LRRFIP2: variants seen among roughly 807,000 people sequenced by gnomAD.
LRRFIP2 encodes leucine-rich repeat flightless-interacting protein 2.
LRRFIP2 carries 109 observed loss-of-function variants against 125.9 expected under a neutral mutation model. The observed-to-expected ratio is 0.87, with a 90% CI of 0.74 to 1.01. LRRFIP2 has a LOEUF of 1.01. Ranked by LOEUF, LRRFIP2 falls within the 50% of genes least tolerant of loss-of-function variation. The probability of loss-of-function intolerance (pLI) is 0.00; values close to 1 mark genes in which losing one functional copy is unlikely to be tolerated. For synonymous variants in LRRFIP2, 291 were observed against 293.1 expected (o/e 0.99, Z 0.07); for missense variants, 850 against 862.3 (o/e 0.99, Z 0.18).
intron 12 of LRRFIP2, 45 bp downstream of exon 12, chr3:37,108,592 C>T: frequency 6.7e-7 from 1 of 1,491,030 alleles, no homozygotes; most frequent in South Asian, 1.2e-5. Context: ...ACTGTGCCCA[C>T]CCACATTTCC....
chr3:37,122,537 A>G (rs763620163), intron 4 of LRRFIP2, among the ~76,000 whole-genome samples: 23 of 152,350 alleles, frequency 1.5e-4, no homozygotes, highest in Middle Eastern at 3.4e-3. Context: ...AAGTGTTAAC[A>G]TTATCACTGA....
chr3:37,078,040 T>G (rs1030484875), intron 19 of LRRFIP2, among the ~76,000 whole-genome samples: 12 of 151,948 alleles, frequency 7.9e-5, no homozygotes, highest in Non-Finnish European at 1.6e-4. Flanking sequence ...GGGTACAGAG[T>G]TCTAGTTTTG....
At chr3:37,127,703 A>G in intron 3 of LRRFIP2, 23 bp from the exon 4 acceptor site, 2 of 1,596,758 alleles carry the variant, frequency 1.3e-6, no homozygotes, top group Admixed American at 1.7e-5. Flanking sequence ...AAATTTCATA[A>G]ACCAAATAGT....
At chr3:37,123,040 A>AAAGGC (rs1436450607) in intron 4 of LRRFIP2, among the ~76,000 whole-genome samples, 1 of 152,094 alleles carries the variant, frequency 6.6e-6, no homozygotes, top group East Asian at 1.9e-4. Context: ...ATGCCTCAAA[A>AAAGGC]CTCCCTGGTT....
upstream of LRRFIP2, chr3:37,175,289 T>C: frequency 6.6e-6 from 1 of 152,328 alleles, no homozygotes. Flanking sequence ...TCTACAATTT[T>C]TCTGTTTATA....
intron 2 of LRRFIP2, among the ~76,000 whole-genome samples, chr3:37,144,116 C>T (rs1328376352): frequency 6.6e-6 from 1 of 152,222 alleles, no homozygotes; most frequent in Non-Finnish European, 1.5e-5. Flanking sequence ...CCATGCCTGG[C>T]CTGGGCAGTG....
intron 15 of LRRFIP2, among the ~76,000 whole-genome samples, chr3:37,098,711 AC>A (rs1475789698): frequency 3.9e-5 from 6 of 152,048 alleles, no homozygotes; most frequent in Non-Finnish European, 8.8e-5. Flanking sequence ...GTTTTTAAAT[AC>A]TATATTGCCA....
chr3:37,087,755 G>A (rs1289913404), intron 18 of LRRFIP2, among the ~76,000 whole-genome samples: 1 of 151,946 alleles, frequency 6.6e-6, no homozygotes, highest in Admixed American at 6.6e-5. Context: ...TGCCTGGCTA[G>A]TTTTTGTATT....
chr3:37,161,952 G>C (rs181590982), intron 1 of LRRFIP2, among the ~76,000 whole-genome samples: 1 of 151,968 alleles, frequency 6.6e-6, no homozygotes, highest in Admixed American at 6.6e-5. Context: ...GGAGACCAAG[G>C]CAGGTGGATC....
intron 6 of LRRFIP2, among the ~76,000 whole-genome samples, chr3:37,117,803 C>A (rs993012366): frequency 6.6e-6 from 1 of 152,156 alleles, no homozygotes; most frequent in African/African-American, 2.4e-5. Context: ...GAATGCATAA[C>A]ACTAATACCA....
At chr3:37,054,544 TACTGG>T in intron 26 of LRRFIP2, 29 bp from the exon 27 acceptor site, 1 of 1,464,476 alleles carries the variant, frequency 6.8e-7, no homozygotes, top group South Asian at 1.2e-5. Flanking sequence ...AGGCCTCTAG[TACTGG>T]GCACTAGAAG....
chr3:37,159,999 A>C (rs1249889532), intron 1 of LRRFIP2, among the ~76,000 whole-genome samples: 4 of 135,484 alleles, frequency 3.0e-5, no homozygotes, highest in African/African-American at 1.2e-4. Flanking sequence ...CAAAAAAAAA[A>C]AAAAAAAAAA....
At chr3:37,168,735 G>A (rs1320631092) in intron 1 of LRRFIP2, among the ~76,000 whole-genome samples, 1 of 152,210 alleles carries the variant, frequency 6.6e-6, no homozygotes, top group East Asian at 1.9e-4. Flanking sequence ...ACATATTACA[G>A]TGGTCCCATA....
intron 15 of LRRFIP2, 123 bp downstream of exon 15, chr3:37,102,801 C>T: frequency 1.5e-6 from 1 of 676,252 alleles, no homozygotes. Flanking sequence ...CATGCCCGGC[C>T]CAAACAAATA....
chr3:37,083,604 T>C (rs1190224006), intron 19 of LRRFIP2, 32 bp downstream of exon 19: 1 of 1,481,806 alleles, frequency 6.7e-7, no homozygotes, highest in Non-Finnish European at 9.0e-7. Flanking sequence ...TTTTATTTTC[T>C]GCCCCAAGAG....
chr3:37,069,630 G>A (rs919413142), intron 21 of LRRFIP2, among the ~76,000 whole-genome samples: 5 of 152,092 alleles, frequency 3.3e-5, no homozygotes, highest in Admixed American at 6.5e-5. Context: ...AAGTTCTATG[G>A]TGGTGACAGT....
intron 9 of LRRFIP2, 25 bp downstream of exon 9, chr3:37,110,966 T>C (rs1174108417): frequency 6.2e-6 from 10 of 1,608,324 alleles, no homozygotes; most frequent in Non-Finnish European, 8.5e-6. Flanking sequence ...ATCAAACACA[T>C]AAAGCCAAAA....
At chr3:37,102,364 T>C (rs1576602526) in intron 15 of LRRFIP2, among the ~76,000 whole-genome samples, 2 of 152,118 alleles carry the variant, frequency 1.3e-5, no homozygotes, top group African/African-American at 4.8e-5. Context: ...TTGATAATTG[T>C]TGCAGATGCT....
At chr3:37,151,176 T>C (rs1375198627) in intron 1 of LRRFIP2, among the ~76,000 whole-genome samples, 1 of 152,052 alleles carries the variant, frequency 6.6e-6, no homozygotes, top group Non-Finnish European at 1.5e-5. Context: ...CTGGCCAACA[T>C]GGCGAAACCC....
Sources: allele counts gnomAD v4.1 joint callset (sites outside exome capture counted in the v4.1 genomes callset), GRCh38; gene constraint gnomAD v4.1.1; transcripts MANE v1.5; gene names NCBI Gene and HGNC (gene_info 2026-07-23, HGNC 2026-07-21).